The following KCND3 variants were observed in gnomAD, a reference collection of about 807,000 sequenced individuals.
The protein encoded by KCND3 is potassium voltage-gated channel subfamily D member 3.
KCND3 carries 9 observed loss-of-function variants against 51.1 expected under a neutral mutation model. That is an observed-to-expected ratio of 0.18 (90% CI 0.11 to 0.31). KCND3 has a LOEUF of 0.31. Ranked by LOEUF, KCND3 falls within the 10% of genes least tolerant of loss-of-function variation. The pLI is 1.00. For synonymous variants in KCND3, 349 were observed against 368.0 expected (o/e 0.95, Z 0.59); for missense variants, 526 against 903.8 (o/e 0.58, Z 5.36).
intron 3 of KCND3, among the ~76,000 whole-genome samples, chr1:111,783,310 G>T (rs79471030): frequency 0.018 from 2,690 of 151,816 alleles, 68 homozygotes; most frequent in African/African-American, 0.061. Flanking sequence ...ACCAAATGAT[G>T]CTTCCAGAAC....
At chr1:111,944,986 GC>G in intron 2 of KCND3, among the ~76,000 whole-genome samples, 1 of 152,332 alleles carries the variant, frequency 6.6e-6, no homozygotes. Context: ...TGGGGCAGGG[GC>G]CTCAGTGCCA....
At chr1:111,934,536 T>C (rs534119780) in intron 2 of KCND3, among the ~76,000 whole-genome samples, 1 of 152,244 alleles carries the variant, frequency 6.6e-6, no homozygotes, top group African/African-American at 2.4e-5. Context: ...TGTAAATTAA[T>C]CCCAGACCAG....
chr1:111,871,005 G>T (rs1351209578), intron 2 of KCND3, among the ~76,000 whole-genome samples: 3 of 152,182 alleles, frequency 2.0e-5, no homozygotes, highest in Non-Finnish European at 4.4e-5. Context: ...GGAAAGGGCG[G>T]GCTCTAGCTG....
intron 2 of KCND3, among the ~76,000 whole-genome samples, chr1:111,889,573 G>T (rs1484567746): frequency 1.3e-5 from 2 of 151,958 alleles, no homozygotes; most frequent in Admixed American, 1.3e-4. Context: ...CATTTTAGGA[G>T]AATTTTTTGC....
intron 2 of KCND3, among the ~76,000 whole-genome samples, chr1:111,838,896 T>C (rs1667198295): frequency 6.6e-6 from 1 of 152,134 alleles, no homozygotes; most frequent in African/African-American, 2.4e-5. Context: ...AATAACTTCA[T>C]TAATGTTTTC....
chr1:111,919,971 G>A (rs17029059), intron 2 of KCND3, among the ~76,000 whole-genome samples: 2,230 of 152,334 alleles, frequency 0.015, 56 homozygotes, highest in African/African-American at 0.051. Flanking sequence ...TAGGAGCTCA[G>A]GTTGCTGCTA....
At chr1:111,882,944 T>C (rs1366296837) in intron 2 of KCND3, among the ~76,000 whole-genome samples, 1 of 151,944 alleles carries the variant, frequency 6.6e-6, no homozygotes, top group Non-Finnish European at 1.5e-5. Flanking sequence ...TGTGGCCCCA[T>C]TTTCTGGGCC....
At chr1:111,878,232 G>T (rs1002985426) in intron 2 of KCND3, among the ~76,000 whole-genome samples, 1 of 152,334 alleles carries the variant, frequency 6.6e-6, no homozygotes, top group South Asian at 2.1e-4. Flanking sequence ...AAGCATGTAC[G>T]TGAAACCTCT....
chr1:111,896,305 A>G (rs746631853), intron 2 of KCND3, among the ~76,000 whole-genome samples: 3 of 152,156 alleles, frequency 2.0e-5, no homozygotes, highest in Non-Finnish European at 4.4e-5. Context: ...ACAGGAGGGG[A>G]CTGACCCCCT....
intron 2 of KCND3, among the ~76,000 whole-genome samples, chr1:111,948,399 C>T (rs937375257): frequency 2.0e-5 from 3 of 152,228 alleles, no homozygotes; most frequent in Admixed American, 6.5e-5. Flanking sequence ...CCTGAGGTGG[C>T]GTAGGGAGGC....
chr1:111,801,054 T>A (rs1665286806), intron 2 of KCND3, among the ~76,000 whole-genome samples: 1 of 152,236 alleles, frequency 6.6e-6, no homozygotes, highest in African/African-American at 2.4e-5. Context: ...CTCCGTATGT[T>A]CACACAAAAG....
chr1:111,817,185 T>TAAA (rs34652868), intron 2 of KCND3, among the ~76,000 whole-genome samples: 61 of 144,384 alleles, frequency 4.2e-4, no homozygotes, highest in Non-Finnish European at 8.0e-4. Flanking sequence ...CACTAGTTAC[T>TAAA]AAAAAAAAAA....
At chr1:111,945,143 C>T (rs969947629) in intron 2 of KCND3, among the ~76,000 whole-genome samples, 4 of 152,172 alleles carry the variant, frequency 2.6e-5, no homozygotes, top group African/African-American at 9.7e-5. Context: ...CAGAAGTCAG[C>T]GAGAAGGAGT....
At chr1:111,969,182 C>T (rs1571920171) in intron 2 of KCND3, among the ~76,000 whole-genome samples, 1 of 152,102 alleles carries the variant, frequency 6.6e-6, no homozygotes, top group Non-Finnish European at 1.5e-5. Flanking sequence ...GCCTCCATGC[C>T]CACCCTCGTG....
chr1:111,982,375 G>C lies in KCND3; in HGVS notation c.352C>G (p.Leu118Val), dbSNP rs1675003315. ...YECISAYDDE[L>V]AFYGILPEII... ...TCCGGGAGGATGCCGTAGAAGGCCAGCTCGTCGTCGTAGGCAGAGATGCAC... is the reference window on the plus strand; with the variant it reads ...TCCGGGAGGATGCCGTAGAAGGCCACCTCGTCGTCGTAGGCAGAGATGCAC... The change falls in exon 2 of 8, where the codon CTG (leucine) becomes GTG (valine). Residue 118 changes from leucine (L) to valine (V), a missense_variant. Leu to Val is a conservative substitution (Grantham distance 32, BLOSUM62 1). Around this residue, in one of 5 missense-constraint regions of KCND3, gnomAD observed 159 missense variants for 262.8 expected, o/e 0.61. Transcript: ENST00000302127. This position sits in a 1 kb window ranked among gnomAD's most constrained non-coding sequence, Gnocchi z 8.5. 6.2e-7 allele frequency: 1 copy of C among 1,614,196 alleles called. No homozygotes were observed. Among genetic ancestry groups the C allele is most frequent in the Non-Finnish European group, 8.5e-7 (1 of 1,180,048 alleles).
chr1:111,981,921 G>C lies in KCND3; in HGVS notation c.806C>G (p.Pro269Arg), dbSNP rs2101995994. 1 of 1,614,128 alleles carries C rather than the reference G, an allele frequency of 6.2e-7. No homozygotes were observed. Among genetic ancestry groups the C allele is most frequent in the Non-Finnish European group, 8.5e-7 (1 of 1,180,020 alleles). ...MSIIDVVAIM[P>R]YYIGLVMTNN... The stretch of plus-strand genomic sequence containing the variant: ...GGTCATGACCAGACCGATGTAGTAG[G>C]GCATGATGGCCACCACGTCGATGAT... Residue 269 changes from proline to arginine, a missense_variant, in exon 2 of 8, where the codon CCC becomes CGC. Physicochemically the swap from Pro to Arg is moderately radical, Grantham distance 103. Transcript: ENST00000302127. The surrounding 1 kb of genome is among the most constrained non-coding windows in gnomAD (Gnocchi z 6.2).
At chr1:111,941,630 C>A (rs960664526) in intron 2 of KCND3, among the ~76,000 whole-genome samples, 1 of 152,000 alleles carries the variant, frequency 6.6e-6, no homozygotes, top group African/African-American at 2.4e-5. Flanking sequence ...CATGGTAATC[C>A]CCAGCAGATG....
intron 2 of KCND3, among the ~76,000 whole-genome samples, chr1:111,976,186 A>G: frequency 6.6e-6 from 1 of 152,202 alleles, no homozygotes. Flanking sequence ...AACTGAATGG[A>G]GAAAAACATC....
chr1:111,985,474 C>T (rs967496340), intron 1 of KCND3, among the ~76,000 whole-genome samples: 2 of 152,166 alleles, frequency 1.3e-5, no homozygotes, highest in African/African-American at 4.8e-5. Flanking sequence ...GGGCAAAGGC[C>T]GAGATGCCTC....
Sources: allele counts gnomAD v4.1 joint callset (sites outside exome capture counted in the v4.1 genomes callset), GRCh38; gene constraint gnomAD v4.1.1; regional missense constraint gnomAD v4.1.1; non-coding constraint Gnocchi (gnomAD v3.1); transcripts MANE v1.5; gene names NCBI Gene and HGNC (gene_info 2026-07-23, HGNC 2026-07-21).